GPR158: variants seen among roughly 807,000 people sequenced by gnomAD.
GPR158 encodes metabotropic glycine receptor.
A neutral mutation model predicts 78.2 loss-of-function variants in GPR158; 30 were observed. The observed-to-expected ratio is 0.38, with a 90% CI of 0.29 to 0.52. The LOEUF (loss-of-function observed/expected upper bound fraction) is 0.52, where lower values mean the gene tolerates loss of function less well. Ranked by LOEUF, GPR158 falls within the 20% of genes least tolerant of loss-of-function variation. The pLI is 0.83. For synonymous variants in GPR158, 581 were observed against 591.1 expected (o/e 0.98, Z 0.25); for missense variants, 1,463 against 1,523.5 (o/e 0.96, Z 0.66).
intron 2 of GPR158, among the ~76,000 whole-genome samples, chr10:25,373,233 G>T (rs1834027334): frequency 6.6e-6 from 1 of 151,762 alleles, no homozygotes; most frequent in Non-Finnish European, 1.5e-5. Flanking sequence ...AGTGGGAGCT[G>T]AATGATAACA....
intron 5 of GPR158, among the ~76,000 whole-genome samples, chr10:25,468,108 T>G (rs996648082): frequency 3.3e-5 from 5 of 152,152 alleles, no homozygotes; most frequent in African/African-American, 1.2e-4. Flanking sequence ...CTTTCCCTCT[T>G]CTCAGCATGT....
chr10:25,419,105 C>CT (rs909485020), intron 4 of GPR158, among the ~76,000 whole-genome samples: 3 of 151,596 alleles, frequency 2.0e-5, no homozygotes, highest in African/African-American at 7.3e-5. Context: ...ATTTTCAGAA[C>CT]TTTTTTTTAT....
chr10:25,253,444 T>A (rs897696205), intron 2 of GPR158, among the ~76,000 whole-genome samples: 1 of 152,156 alleles, frequency 6.6e-6, no homozygotes, highest in Non-Finnish European at 1.5e-5. Context: ...AGCTATGAAA[T>A]GTCAACCTCA....
At chr10:25,196,494 T>G (rs1852846468) in intron 1 of GPR158, among the ~76,000 whole-genome samples, 1 of 152,228 alleles carries the variant, frequency 6.6e-6, no homozygotes, top group Non-Finnish European at 1.5e-5. Flanking sequence ...CCAGTTCTGC[T>G]AAATATGATC....
intron 1 of GPR158, among the ~76,000 whole-genome samples, chr10:25,191,987 T>C (rs926786158): frequency 6.6e-6 from 1 of 152,202 alleles, no homozygotes; most frequent in Admixed American, 6.5e-5. Flanking sequence ...GTTTTTTAAG[T>C]ACCAGGACCA....
intron 7 of GPR158, among the ~76,000 whole-genome samples, chr10:25,583,608 T>C (rs1320415403): frequency 1.3e-5 from 2 of 152,180 alleles, no homozygotes; most frequent in East Asian, 3.8e-4. Flanking sequence ...CCACCAACTC[T>C]GTCATTAGAA....
chr10:25,285,219 A>C (rs188974569), intron 2 of GPR158, among the ~76,000 whole-genome samples: 27 of 152,240 alleles, frequency 1.8e-4, no homozygotes, highest in Admixed American at 1.0e-3. Flanking sequence ...AATCAATGAG[A>C]TATAGATACA....
chr10:25,591,214 T>C (rs577903196), intron 8 of GPR158, among the ~76,000 whole-genome samples: 17 of 152,114 alleles, frequency 1.1e-4, no homozygotes, highest in Non-Finnish European at 2.1e-4. Flanking sequence ...CAAGTTAGCA[T>C]GCTGAGAAGT....
intron 2 of GPR158, among the ~76,000 whole-genome samples, chr10:25,356,914 G>A (rs71495437): frequency 3.2e-4 from 49 of 151,936 alleles, no homozygotes; most frequent in Non-Finnish European, 6.2e-4. Context: ...AAGAAGACAG[G>A]AAAATGTGGG....
chr10:25,547,368 C>G (rs1170766244), intron 5 of GPR158, among the ~76,000 whole-genome samples: 1 of 152,122 alleles, frequency 6.6e-6, no homozygotes, highest in African/African-American at 2.4e-5. Flanking sequence ...CTGGCTCCAT[C>G]TGTTTTAAAG....
intron 2 of GPR158, among the ~76,000 whole-genome samples, chr10:25,338,603 T>TATATAATACATATTATATATATTATTAC (rs1855259826): frequency 6.8e-6 from 1 of 146,308 alleles, no homozygotes; most frequent in Non-Finnish European, 1.5e-5. Context: ...TATATTATTA[T>TATATAATACATATTATATATATTATTAC]ATATAAAAAA....
At chr10:25,205,764 C>G (rs1853017792) in intron 1 of GPR158, among the ~76,000 whole-genome samples, 3 of 151,656 alleles carry the variant, frequency 2.0e-5, no homozygotes, top group Admixed American at 2.0e-4. Flanking sequence ...GTATTAATTT[C>G]TCTTTTTCTA....
intron 6 of GPR158, among the ~76,000 whole-genome samples, chr10:25,560,936 C>G (rs1377350384): frequency 6.6e-6 from 1 of 152,024 alleles, no homozygotes; most frequent in Non-Finnish European, 1.5e-5. Flanking sequence ...CTTGTGATAT[C>G]TCTAGGAAAT....
At chr10:25,253,692 A>C (rs1317948265) in intron 2 of GPR158, among the ~76,000 whole-genome samples, 1 of 151,560 alleles carries the variant, frequency 6.6e-6, no homozygotes, top group Non-Finnish European at 1.5e-5. Context: ...ACCGTTATTT[A>C]TATATATATA....
intron 3 of GPR158, among the ~76,000 whole-genome samples, chr10:25,409,992 T>A (rs1834563704): frequency 6.6e-6 from 1 of 152,208 alleles, no homozygotes. Flanking sequence ...TATAGGTCAG[T>A]GAAGGATAAA....
At chr10:25,264,415 C>T (rs1013047628) in intron 2 of GPR158, among the ~76,000 whole-genome samples, 2 of 152,148 alleles carry the variant, frequency 1.3e-5, no homozygotes, top group Non-Finnish European at 2.9e-5. Context: ...CTTGATCAGT[C>T]CACAGCTATT....
chr10:25,329,927 C>G (rs1855094470), intron 2 of GPR158, among the ~76,000 whole-genome samples: 1 of 151,910 alleles, frequency 6.6e-6, no homozygotes, highest in Admixed American at 6.6e-5. Flanking sequence ...AAAATTGTAA[C>G]ACTTTGGATG....
chr10:25,315,618 T>C (rs1463909951), intron 2 of GPR158, among the ~76,000 whole-genome samples: 1 of 140,812 alleles, frequency 7.1e-6, no homozygotes, highest in Non-Finnish European at 1.5e-5. Context: ...CTCTGTAATT[T>C]ATATTGTTAT....
chr10:25,450,277 G>C (rs893478415), intron 4 of GPR158, among the ~76,000 whole-genome samples: 2 of 151,874 alleles, frequency 1.3e-5, no homozygotes, highest in South Asian at 2.1e-4. Context: ...AGTGAGCCAT[G>C]GGGGACCCAA....
Sources: gnomAD v4.1 joint callset for allele counts (sites outside exome capture counted in the v4.1 genomes callset) on GRCh38, gnomAD v4.1.1 for gene constraint, MANE v1.5 for transcripts, NCBI Gene and HGNC (gene_info 2026-07-23, HGNC 2026-07-21) for gene names.